Variants in WDPCP observed in about 807,000 individuals in gnomAD.
WDPCP encodes the protein WD repeat containing planar cell polarity effector.
WDPCP carries 71 observed loss-of-function variants against 93.1 expected under a neutral mutation model. The ratio of observed to expected loss-of-function variants is 0.76; its 90% CI spans 0.63 to 0.93. The LOEUF (loss-of-function observed/expected upper bound fraction) is 0.93. Ranked by LOEUF, WDPCP falls within the 40% of genes least tolerant of loss-of-function variation. The probability of loss-of-function intolerance (pLI) is 0.00; values close to 1 mark genes in which losing one functional copy is unlikely to be tolerated. For missense variants in WDPCP, 844 were observed against 887.4 expected, an observed-to-expected ratio of 0.95 and a Z score of 0.62; for synonymous variants, 315 against 315.0, an observed-to-expected ratio of 1.00 and a Z score of 0.00.
chr2:63,717,127 G>C, intron 2 of WDPCP: 1 of 362,130 alleles, frequency 2.8e-6, no homozygotes, highest in Non-Finnish European at 5.3e-6. Context: ...ACCTGCCATG[G>C]CATTACTCAC....
At chr2:63,582,384 A>G (rs1708552049) in intron 1 of WDPCP, among the ~76,000 whole-genome samples, 1 of 152,180 alleles carries the variant, frequency 6.6e-6, no homozygotes, top group African/African-American at 2.4e-5. Flanking sequence ...AGAAAAGATA[A>G]TTTTAAAAAT....
At chr2:63,563,559 TG>T (rs1288380956) in intron 1 of WDPCP, among the ~76,000 whole-genome samples, 7 of 151,646 alleles carry the variant, frequency 4.6e-5, no homozygotes, top group African/African-American at 1.5e-4. Context: ...GAGGGAGAAA[TG>T]GGGAATGACT....
Position 63,759,094 on chromosome 2 carries a change from C to A in WDPCP, n.308+54528G>T, listed in dbSNP as rs150807278. ...CCATGCACGGCCAAAAAAAAAAGCT[C>A]CAGATTCTTAAAGTGGACCCAGGAG... is the stretch of plus-strand genomic sequence containing the variant. On this transcript the variant is annotated intron_variant and non_coding_transcript_variant, in intron 2 of 4. Coordinates refer to the WDPCP transcript ENST00000467687. Among the ~76,000 whole-genome samples the A allele has an allele frequency of 5.8e-3, 881 of 152,082 alleles. 13 individuals carry two copies. The highest frequency in any genetic ancestry group is 0.02 in the African/African-American group (822 of 41,516).
chr2:63,464,021 G>T (rs1699192895), intron 6 of WDPCP, among the ~76,000 whole-genome samples: 1 of 151,738 alleles, frequency 6.6e-6, no homozygotes, highest in Admixed American at 6.6e-5. Flanking sequence ...CAAACAAATG[G>T]GACATCAAAC....
At chr2:63,472,858 C>T (rs1369091592) in intron 6 of WDPCP, among the ~76,000 whole-genome samples, 1 of 152,218 alleles carries the variant, frequency 6.6e-6, no homozygotes, top group Non-Finnish European at 1.5e-5. Flanking sequence ...CCGTGCCCAG[C>T]CAATTATTCC....
chr2:63,188,049 A>T (rs1203110344), intron 14 of WDPCP, among the ~76,000 whole-genome samples: 1 of 152,160 alleles, frequency 6.6e-6, no homozygotes, highest in Non-Finnish European at 1.5e-5. Context: ...TCTATTGAGA[A>T]ATCTGCTGAT....
At chr2:63,205,870 C>G (rs929604455) in intron 14 of WDPCP, among the ~76,000 whole-genome samples, 3 of 152,152 alleles carry the variant, frequency 2.0e-5, no homozygotes, top group African/African-American at 7.2e-5. Context: ...TGTTGAGTAA[C>G]AGTGGTGAAA....
At chr2:63,529,899 G>T (rs923152367) in intron 1 of WDPCP, among the ~76,000 whole-genome samples, 3 of 152,070 alleles carry the variant, frequency 2.0e-5, no homozygotes, top group African/African-American at 7.2e-5. Context: ...TCTATTCAGG[G>T]ATTCAACTTC....
intron 2 of WDPCP, among the ~76,000 whole-genome samples, chr2:63,701,800 G>A (rs1219189051): frequency 6.6e-6 from 1 of 152,098 alleles, no homozygotes; most frequent in African/African-American, 2.4e-5. Flanking sequence ...CTTAAAAAGT[G>A]ACTATCATGA....
At position 63,439,824 on chromosome 2, in the gene WDPCP, C is replaced by T. The variant is rs375615054; in HGVS notation, c.432G>A (p.Pro144=). 8 of 1,613,032 alleles carry T rather than the reference C, an allele frequency of 5.0e-6. No individual in the cohort carries two copies. Among genetic ancestry groups the T allele is most frequent in the African/African-American group, 2.7e-5 (2 of 74,800 alleles). ...TGTCAATCACCACTTTCTCCAGCTG[C>T]GGCCCAGAAAGGCTTAGAGACACCA... The part of the protein sequence containing the change: ...GVLVSLSLSG[P]QLEKVVIDRS... The change falls in exon 7 of 18, where the codon CCG becomes CCA. Residue 144 remains proline, a synonymous_variant. Coordinates refer to ENST00000272321, the MANE Select transcript of WDPCP (RefSeq NM_015910.7).
intron 13 of WDPCP, among the ~76,000 whole-genome samples, chr2:63,263,624 A>C (rs2104802403): frequency 6.6e-6 from 1 of 152,358 alleles, no homozygotes; most frequent in Non-Finnish European, 1.5e-5. Context: ...TTGTAGCAGC[A>C]GAAAACGGAT....
chr2:63,439,067 T>C (rs1386837572), intron 7 of WDPCP, among the ~76,000 whole-genome samples: 2 of 152,148 alleles, frequency 1.3e-5, no homozygotes, highest in East Asian at 3.8e-4. Context: ...CGTTTCCTTA[T>C]GTGTAAAAAT....
At chr2:63,343,640 TC>T (rs1459609658) in intron 12 of WDPCP, among the ~76,000 whole-genome samples, 4 of 152,184 alleles carry the variant, frequency 2.6e-5, no homozygotes, top group African/African-American at 4.8e-5. Flanking sequence ...TTCTTCTTTT[TC>T]TAGGGCTCCC....
chr2:63,294,167 C>A (rs1197283846), intron 13 of WDPCP, among the ~76,000 whole-genome samples: 3 of 152,140 alleles, frequency 2.0e-5, no homozygotes, highest in Non-Finnish European at 1.5e-5. Context: ...CAGTAGATTT[C>A]CCATCAAAGG....
intron 2 of WDPCP, among the ~76,000 whole-genome samples, chr2:63,730,944 A>G (rs985213505): frequency 4.0e-5 from 6 of 151,838 alleles, no homozygotes; most frequent in African/African-American, 1.4e-4. Flanking sequence ...AGCCAAGTAC[A>G]TGAAAAAAAA....
chr2:63,190,562 T>C (rs1203734223), intron 14 of WDPCP, among the ~76,000 whole-genome samples: 1 of 152,016 alleles, frequency 6.6e-6, no homozygotes, highest in Non-Finnish European at 1.5e-5. Flanking sequence ...GTAAGATCCA[T>C]AGTGGCAGCA....
chr2:63,608,118 A>T (rs1709573448), intron 3 of WDPCP, among the ~76,000 whole-genome samples: 1 of 152,094 alleles, frequency 6.6e-6, no homozygotes, highest in East Asian at 1.9e-4. Flanking sequence ...CTAGCTACTA[A>T]TATTAAATAA....
intron 2 of WDPCP, 105 bp from the exon 3 acceptor site, chr2:63,487,599 A>T: frequency 1.3e-6 from 1 of 796,332 alleles, no homozygotes; most frequent in Non-Finnish European, 2.1e-6. Flanking sequence ...AAGCAGAAAC[A>T]GTCTCCTTAT....
intron 2 of WDPCP, among the ~76,000 whole-genome samples, chr2:63,811,152 CTG>C (rs1361453239): frequency 6.6e-6 from 1 of 152,348 alleles, no homozygotes; most frequent in Non-Finnish European, 1.5e-5. Flanking sequence ...ACAGAGAAGA[CTG>C]TGAAAATGTT....
Sources: allele counts gnomAD v4.1 joint callset (sites outside exome capture counted in the v4.1 genomes callset), GRCh38; gene constraint gnomAD v4.1.1; transcripts MANE v1.5; gene names NCBI Gene and HGNC (gene_info 2026-07-23, HGNC 2026-07-21).